Variants in ANKRD26 observed in about 807,000 individuals in gnomAD.
ANKRD26 encodes ankyrin repeat domain 26, also known as ankyrin repeat domain-containing protein 26.
Under a neutral mutation model 208.7 loss-of-function variants are expected in ANKRD26, and 141 were observed. The observed-to-expected ratio is 0.68, with a 90% confidence interval of 0.59 to 0.78. The LOEUF is 0.78. Ranked by LOEUF, ANKRD26 falls within the 30% of genes least tolerant of loss-of-function variation. The probability of loss-of-function intolerance (pLI) is 0.00; values close to 1 mark genes in which losing one functional copy is unlikely to be tolerated. For synonymous variants in ANKRD26, 636 were observed against 660.4 expected, an observed-to-expected ratio of 0.96 and a Z score of 0.57; for missense variants, 1,889 against 1,938.7, an observed-to-expected ratio of 0.97 and a Z score of 0.48.
At position 27,100,366 on chromosome 10, in the gene ANKRD26, C is replaced by T. The variant is rs576312647; in HGVS notation, c.-40G>A. On this transcript the variant is annotated 5_prime_UTR_variant, in exon 1 of 34. Coordinates refer to ENST00000376087, the MANE Select transcript of ANKRD26 (RefSeq NM_014915.3). ...GGCTTCAGAGACACCTCATGTCTCT[C>T]TCGGCTCTTAACGGCCTCCGGAGCC... 1.1e-5 allele frequency: 17 copies of T among 1,602,002 alleles called. 1 individual carries two copies. The highest frequency in any genetic ancestry group is 8.0e-5 in the African/African-American group (6 of 74,948).
intron 5 of ANKRD26, among the ~76,000 whole-genome samples, chr10:26,977,614 AC>A (rs1350046047): frequency 2.0e-5 from 3 of 152,230 alleles, no homozygotes; most frequent in Non-Finnish European, 4.4e-5. Flanking sequence ...TGCATCTCTT[AC>A]AACTCAGGGA....
chr10:27,064,553 T>C (rs2055173557), intron 11 of ANKRD26, among the ~76,000 whole-genome samples: 1 of 152,198 alleles, frequency 6.6e-6, no homozygotes, highest in Non-Finnish European at 1.5e-5. Context: ...AAAATATTTC[T>C]AATTATAGAA....
chr10:26,956,772 G>A, the ANKRD26 span, among the ~76,000 whole-genome samples: 15 of 152,142 alleles, frequency 9.9e-5, no homozygotes, highest in Non-Finnish European at 1.8e-4. Flanking sequence ...CGATATGGAG[G>A]CCACCAGGTA....
intron 5 of ANKRD26, among the ~76,000 whole-genome samples, chr10:26,992,411 T>G (rs773727157): frequency 6.6e-6 from 1 of 151,520 alleles, no homozygotes; most frequent in African/African-American, 2.4e-5. Flanking sequence ...ATTCCTAAGG[T>G]CATGTTTCAT....
In ANKRD26 at chr10:27,038,020, T is replaced by C. The variant is rs749494637; in HGVS notation, c.2410A>G (p.Asn804Asp). 1 of 1,611,528 alleles carries C rather than the reference T, an allele frequency of 6.2e-7. No homozygotes were observed. Among genetic ancestry groups the C allele is most frequent in the Non-Finnish European group, 8.5e-7 (1 of 1,179,638 alleles). ...ATTTTTTCATACAACGTATCAGCAT[T>C]TCTTCTCTTCTCTTCTTCTTGGTTT... ...SLNQEEEKRR[N>D]ADTLYEKIRE... The change falls in exon 22 of 34, where the codon AAT becomes GAT. Residue 804 changes from asparagine (N) to aspartate (D), a missense_variant. By Grantham distance (23) the Asn-to-Asp change is conservative (BLOSUM62 1). This residue lies in a region of ANKRD26 where 1,272 missense variants were observed against 1,273.8 expected (regional missense o/e 1.00). Transcript: ENST00000376087.
chr10:27,040,265 C>A, intron 20 of ANKRD26, 87 bp from the exon 21 acceptor site: 2 of 968,376 alleles, frequency 2.1e-6, no homozygotes, highest in East Asian at 2.6e-5. Context: ...CATTAAGACA[C>A]TGACCAATTA....
chr10:27,042,003 T>C (rs2054257312), intron 20 of ANKRD26, among the ~76,000 whole-genome samples: 1 of 151,698 alleles, frequency 6.6e-6, no homozygotes, highest in African/African-American at 2.4e-5. Context: ...TCATATACTA[T>C]AAATCCTAAA....
chr10:26,956,256 T>G, the ANKRD26 span, among the ~76,000 whole-genome samples: 1 of 152,200 alleles, frequency 6.6e-6, no homozygotes, highest in Admixed American at 6.5e-5. Flanking sequence ...ATATTTACTT[T>G]TTTCTATTTC....
intron 1 of ANKRD26, among the ~76,000 whole-genome samples, chr10:27,094,490 A>T (rs923247705): frequency 2.2e-4 from 33 of 152,182 alleles, no homozygotes; most frequent in African/African-American, 7.7e-4. Flanking sequence ...TAAGTGCCTC[A>T]GTTTCCTCAT....
In ANKRD26 at chr10:27,035,198, T is replaced by C; in HGVS notation, c.3252A>G (p.Arg1084=). ...CCAAAGTCTTTTCTCTGAGGGCATC[T>C]CTCGTGTGATGGAACTCAATTTCTA... The part of the protein sequence containing the change: ...NSLEIEFHHT[R]DALREKTLGL... The change falls in exon 24 of 34, where the codon AGA becomes AGG. Residue 1084 remains arginine (R), a synonymous_variant. Coordinates refer to ENST00000376087, the MANE Select transcript of ANKRD26 (RefSeq NM_014915.3). 1 of 1,614,108 alleles carries C rather than the reference T, an allele frequency of 6.2e-7. No individual in the cohort carries two copies.
chr10:27,050,219 C>CAAAAAAAAAAAAAAAAA (rs67384671), intron 16 of ANKRD26, among the ~76,000 whole-genome samples: 53 of 33,038 alleles, frequency 1.6e-3, no homozygotes, highest in East Asian at 3.5e-3. Context: ...GAATCTGTCT[C>CAAAAAAAAAAAAAAAAA]AAAAAAAAAA....
At chr10:27,001,701 G>A (rs1313763389), downstream of ANKRD26, among the ~76,000 whole-genome samples, 1 of 152,164 alleles carries the variant, frequency 6.6e-6, no homozygotes, top group Non-Finnish European at 1.5e-5. Context: ...AAAGAATAGG[G>A]AAGATGAAGC....
In ANKRD26 at chr10:27,067,222, G is replaced by A; in HGVS notation, c.1142C>T (p.Pro381Leu). The A allele has an allele frequency of 1.9e-6, 3 of 1,613,176 alleles. No individual in the cohort carries two copies. The highest frequency in any genetic ancestry group is 2.5e-6 in the Non-Finnish European group (3 of 1,179,336). ...ENGIDIIESAPLEQTNNDNLT... is the reference protein window; with the variant it reads ...ENGIDIIESALLEQTNNDNLT... Reference sequence around the variant, plus strand: ...ATTGTCATTATTTGTTTGCTCTAGTGGAGCACTTTCAATAATATCAATACC... The same window carrying A: ...ATTGTCATTATTTGTTTGCTCTAGTAGAGCACTTTCAATAATATCAATACC... The change falls in exon 10 of 34, where the codon CCA becomes CTA. Residue 381 changes from proline (P) to leucine (L), a missense_variant. Coordinates refer to ENST00000376087, the MANE Select transcript of ANKRD26 (RefSeq NM_014915.3).
chr10:27,035,288 G>A lies in ANKRD26; in HGVS notation c.3162C>T (p.Asn1054=). ...LQDKMNFDVS[N]LKDNNEILSQ... ...AAAGAATCTCATTGTTATCTTTTAGGTTAGACACATCAAAATTCATTTTGT... is the reference window on the plus strand; with the variant it reads ...AAAGAATCTCATTGTTATCTTTTAGATTAGACACATCAAAATTCATTTTGT... Residue 1054 remains asparagine, a synonymous_variant, in exon 24 of 34, where the codon AAC becomes AAT. Coordinates refer to ENST00000376087, the MANE Select transcript of ANKRD26 (RefSeq NM_014915.3). The A allele has an allele frequency of 1.2e-6, 2 of 1,613,750 alleles. No homozygotes were observed. The highest frequency in any genetic ancestry group is 1.1e-5 in the South Asian group (1 of 91,066).
intron 3 of ANKRD26, 139 bp from the exon 4 acceptor site, chr10:27,092,651 C>G: frequency 1.4e-6 from 1 of 700,124 alleles, no homozygotes; most frequent in South Asian, 1.7e-5. Context: ...CTTGGAAACA[C>G]CCCTCCTCTG....
chr10:26,965,249 A>C, the ANKRD26 span, among the ~76,000 whole-genome samples: 2 of 152,222 alleles, frequency 1.3e-5, no homozygotes, highest in African/African-American at 4.8e-5. Context: ...AGCCTACAGT[A>C]ACCAAAACAG....
At chr10:26,963,902 G>GTTTTTTTTT in the ANKRD26 span, among the ~76,000 whole-genome samples, 10 of 66,976 alleles carry the variant, frequency 1.5e-4, 3 homozygotes, top group South Asian at 5.1e-4. Flanking sequence ...ATGGTTGGTT[G>GTTTTTTTTT]GTTTTTTTTT....
intron 30 of ANKRD26, 37 bp from the exon 31 acceptor site, chr10:27,014,748 T>C: frequency 6.5e-7 from 1 of 1,548,398 alleles, no homozygotes; most frequent in East Asian, 2.3e-5. Context: ...TAAAAATATA[T>C]AACCTGAGTA....
At chr10:26,959,071 G>A in the ANKRD26 span, among the ~76,000 whole-genome samples, 1 of 152,050 alleles carries the variant, frequency 6.6e-6, no homozygotes, top group Admixed American at 6.5e-5. Context: ...TCTTTTTCAT[G>A]TTTGTTGGCT....
Sources: allele counts gnomAD v4.1 joint callset (sites outside exome capture counted in the v4.1 genomes callset), GRCh38; gene constraint gnomAD v4.1.1; regional missense constraint gnomAD v4.1.1; transcripts MANE v1.5; gene names NCBI Gene and HGNC (gene_info 2026-07-23, HGNC 2026-07-21).